Variants in TMEM63B observed in about 807,000 individuals in gnomAD.
TMEM63B encodes the protein mechanosensitive cation channel TMEM63B.
TMEM63B carries 23 observed loss-of-function variants against 102.6 expected under a neutral mutation model. That is an observed-to-expected ratio of 0.22 (90% CI 0.16 to 0.32). The LOEUF is 0.32. TMEM63B is among the 10% of genes least tolerant of loss of function. The pLI, the probability that TMEM63B is intolerant of heterozygous loss-of-function variation, is 1.00. For missense variants in TMEM63B, 628 were observed against 1,095.9 expected (o/e 0.57, Z 6.03); for synonymous variants, 444 against 437.0 (o/e 1.02, Z -0.20).
At chr6:44,147,111 G>T (rs1396988032) in intron 11 of TMEM63B, among the ~76,000 whole-genome samples, 184 bp downstream of exon 11, 2 of 152,186 alleles carry the variant, frequency 1.3e-5, no homozygotes, top group Admixed American at 1.3e-4. Flanking sequence ...AGAGTTTGTT[G>T]TGAGGGGAAG....
chr6:44,134,478 C>T, intron 1 of TMEM63B, 83 bp from the exon 2 acceptor site: 1 of 1,436,192 alleles, frequency 7.0e-7, no homozygotes, highest in East Asian at 2.4e-5. Flanking sequence ...GATCTGTCCT[C>T]ACTGCCCCCT....
chr6:44,142,494 C>T lies in TMEM63B; in HGVS notation c.782+1396C>T, dbSNP rs373740134. 2.1e-4 allele frequency among the ~76,000 whole-genome samples: 32 copies of T among 152,186 alleles called. No individual in the cohort carries two copies. In the East Asian group the frequency reaches 2.1e-3, roughly 10 times the overall value. On this transcript the variant is annotated intron_variant, in intron 10 of 23. Transcript: ENST00000323267. The stretch of plus-strand genomic sequence containing the variant: ...GCAGTGAGCCGAGATTGTGCCACTG[C>T]ACTTCAGCCTGAGCGGCAGAGCGAG...
Position 44,148,223 on chromosome 6 carries a change from G to C in TMEM63B, c.988-29G>C. The C allele has an allele frequency of 6.2e-7, 1 of 1,612,020 alleles. No individual in the cohort carries two copies. The highest frequency in any genetic ancestry group is 8.5e-7 in the Non-Finnish European group (1 of 1,178,484). ...AGGCCCCAGCCTGGCTTTCCAACTA[G>C]AGGCCCTGTCCCTAACCCTCCCACA... On this transcript the variant is annotated intron_variant, in intron 12 of 23. Transcript: ENST00000323267. This position sits in a 1 kb window ranked among gnomAD's most constrained non-coding sequence, Gnocchi z 5.1.
At chr6:44,129,864 C>T (rs1285945323) in intron 1 of TMEM63B, among the ~76,000 whole-genome samples, 1 of 152,112 alleles carries the variant, frequency 6.6e-6, no homozygotes, top group Non-Finnish European at 1.5e-5. Context: ...TGTTTAATCC[C>T]CAGAACAACA....
chr6:44,148,969 T>G lies in TMEM63B; in HGVS notation c.1413+24T>G. 1 of 1,613,994 alleles carries G rather than the reference T, an allele frequency of 6.2e-7. No homozygotes were observed. The highest frequency in any genetic ancestry group is 8.5e-7 in the Non-Finnish European group (1 of 1,179,996). On this transcript the variant is annotated intron_variant, in intron 15 of 23. Transcript: ENST00000323267. The surrounding 1 kb of genome is among the most constrained non-coding windows in gnomAD (Gnocchi z 5.1). The stretch of plus-strand genomic sequence containing the variant: ...ACGTGAGGCCTCATGCCCCTGTCAC[T>G]TTCCACGCTGGGTCACAACACACAG...
intron 5 of TMEM63B, 80 bp from the exon 6 acceptor site, chr6:44,138,400 G>C (rs543601336): frequency 1.9e-6 from 3 of 1,578,212 alleles, no homozygotes; most frequent in African/African-American, 2.7e-5. Flanking sequence ...GTAATTATGA[G>C]AATGGGTGGG....
At chr6:44,135,196 T>C (rs2128226548) in intron 3 of TMEM63B, 100 bp downstream of exon 3, 3 of 1,566,192 alleles carry the variant, frequency 1.9e-6, no homozygotes, top group Non-Finnish European at 2.6e-6. Flanking sequence ...TCCCCTTTGC[T>C]GGGGGGATGA....
intron 15 of TMEM63B, 176 bp downstream of exon 15, chr6:44,149,121 C>G (rs928630340): frequency 7.7e-6 from 7 of 912,976 alleles, no homozygotes; most frequent in African/African-American, 3.3e-5. Context: ...CCACCTTCCC[C>G]CTGAGAGAGG....
intron 1 of TMEM63B, among the ~76,000 whole-genome samples, chr6:44,133,228 T>C (rs1408870208): frequency 6.6e-6 from 1 of 152,188 alleles, no homozygotes. Flanking sequence ...AGAGACTCCC[T>C]GGGACCAAGT....
At position 44,136,428 on chromosome 6, in the gene TMEM63B, C is replaced by G. The variant is rs1413770731; in HGVS notation, c.358C>G (p.Gln120Glu). 1.2e-6 allele frequency: 2 copies of G among 1,613,784 alleles called. No individual in the cohort carries two copies. The highest frequency in any genetic ancestry group is 1.7e-4 in the Middle Eastern group (1 of 6,060). Residue 120 changes from glutamine (Q) to glutamate (E), a missense_variant, in exon 5 of 24, where the codon CAA becomes GAA. Gln to Glu is a conservative substitution (Grantham distance 29). Around this residue, in one of 6 missense-constraint regions of TMEM63B, gnomAD observed 336 missense variants for 580.3 expected, o/e 0.58. Coordinates refer to ENST00000323267, the MANE Select transcript of TMEM63B (RefSeq NM_018426.3). Reference protein sequence around the residue: ...TSVSSSVDFDQRDNGFCSWLT... With the variant: ...TSVSSSVDFDERDNGFCSWLT... ...TGTCTCCAGCTCCGTTGACTTTGAC[C>G]AAAGGGACAATGTGAGTGCCCTCCC...
intron 6 of TMEM63B, 135 bp from the exon 7 acceptor site, chr6:44,139,332 T>C: frequency 9.5e-7 from 1 of 1,057,056 alleles, no homozygotes. Context: ...AAGTCCCATT[T>C]CAGCCCTATA....
At chr6:44,153,911 G>GGAGAA (rs1767390820) in intron 21 of TMEM63B, 68 bp downstream of exon 21, 1 of 1,582,162 alleles carries the variant, frequency 6.3e-7, no homozygotes, top group African/African-American at 1.3e-5. Context: ...GCAGGCCACA[G>GGAGAA]GAGAAGCCGC....
At chr6:44,145,694 G>C (rs899916519) in intron 10 of TMEM63B, among the ~76,000 whole-genome samples, 2 of 152,132 alleles carry the variant, frequency 1.3e-5, no homozygotes, top group African/African-American at 2.4e-5. Context: ...CCCACACTTT[G>C]GGAAGCTGAG....
chr6:44,136,540 G>T (rs1762991579), intron 5 of TMEM63B, 101 bp downstream of exon 5: 1 of 835,838 alleles, frequency 1.2e-6, no homozygotes, highest in Non-Finnish European at 1.9e-6. Context: ...CAGGGATGCT[G>T]GTTTGGCCTC....
intron 5 of TMEM63B, among the ~76,000 whole-genome samples, chr6:44,137,125 A>G (rs1293649974): frequency 1.3e-5 from 2 of 152,220 alleles, no homozygotes; most frequent in Non-Finnish European, 2.9e-5. Flanking sequence ...CGGAGGTTGC[A>G]GGTGGGTGGC....
rs1310125151 is a variant in TMEM63B at position 44,140,211 on chromosome 6, T to C, written c.603-41T>C. The C allele has an allele frequency of 3.9e-6, 6 of 1,528,404 alleles. No homozygotes were observed. The South Asian group carries it at 6.8e-5, about 17-fold the overall frequency. The allele number at this position is 1,528,404 out of a possible 1,614,324, so 94.7% of individuals were successfully genotyped here. On this transcript the variant is annotated intron_variant, in intron 8 of 23. Coordinates refer to ENST00000323267, the MANE Select transcript of TMEM63B (RefSeq NM_018426.3). ...TGAGGTGTCTCCTCTGAGTGTGTCC[T>C]AGCCCCAGTGGCTCCCATGTATCCT...
intron 5 of TMEM63B, 120 bp downstream of exon 5, chr6:44,136,559 C>A: frequency 1.4e-6 from 1 of 719,372 alleles, no homozygotes; most frequent in Non-Finnish European, 2.4e-6. Flanking sequence ...TCCTCCTCAG[C>A]AAAGAAAGTG....
chr6:44,135,305 C>T (rs1289004965), intron 3 of TMEM63B, 23 bp from the exon 4 acceptor site: 2 of 1,610,658 alleles, frequency 1.2e-6, no homozygotes, highest in African/African-American at 1.3e-5. Flanking sequence ...CCCCTGCTAA[C>T]CCTGTCTGTT....
intron 1 of TMEM63B, among the ~76,000 whole-genome samples, chr6:44,128,989 G>A (rs1411471220): frequency 1.3e-5 from 2 of 152,230 alleles, no homozygotes; most frequent in South Asian, 2.1e-4. Context: ...TTCTCTCCAA[G>A]TATAGCAGAG....
Sources: gnomAD v4.1 joint callset for allele counts (sites outside exome capture counted in the v4.1 genomes callset) on GRCh38, gnomAD v4.1.1 for gene constraint, gnomAD v4.1.1 regional missense constraint, Gnocchi (gnomAD v3.1) non-coding constraint, MANE v1.5 for transcripts, NCBI Gene and HGNC (gene_info 2026-07-23, HGNC 2026-07-21) for gene names.